Variants in ZFYVE9 observed in about 807,000 individuals in gnomAD.
ZFYVE9 encodes the protein zinc finger FYVE domain-containing protein 9.
Under a neutral mutation model 126.7 loss-of-function variants are expected in ZFYVE9, and 43 were observed. The observed-to-expected ratio is 0.34, with a 90% CI of 0.27 to 0.44. The LOEUF (loss-of-function observed/expected upper bound fraction) is 0.44, where lower values mean the gene tolerates loss of function less well. ZFYVE9 is among the 20% of genes least tolerant of loss of function. The pLI is 1.00. For synonymous variants in ZFYVE9, 521 were observed against 597.4 expected (o/e 0.87, Z 1.87); for missense variants, 1,476 against 1,697.0 (o/e 0.87, Z 2.29).
At chr1:52,177,444 C>A (rs564476874) in intron 1 of ZFYVE9, among the ~76,000 whole-genome samples, 19 of 152,208 alleles carry the variant, frequency 1.2e-4, no homozygotes, top group Non-Finnish European at 2.2e-4. Context: ...CTGCACCTGG[C>A]CCAAGTCTGA....
chr1:52,303,789 A>C (rs1646056871), intron 12 of ZFYVE9, 32 bp from the exon 13 acceptor site: 1 of 1,416,104 alleles, frequency 7.1e-7, no homozygotes, highest in African/African-American at 1.4e-5. Context: ...TTGATGAATT[A>C]ATTTATTCTG....
At chr1:52,210,937 G>A (rs1047622980) in intron 1 of ZFYVE9, among the ~76,000 whole-genome samples, 1 of 152,204 alleles carries the variant, frequency 6.6e-6, no homozygotes, top group African/African-American at 2.4e-5. Context: ...TTACAGGTGT[G>A]AGCCACCGCC....
At chr1:52,210,904 C>T (rs1318059082) in intron 1 of ZFYVE9, among the ~76,000 whole-genome samples, 1 of 152,200 alleles carries the variant, frequency 6.6e-6, no homozygotes, top group African/African-American at 2.4e-5. Flanking sequence ...ATCTGCCCAC[C>T]TTGGCCTCCC....
intron 1 of ZFYVE9, among the ~76,000 whole-genome samples, chr1:52,148,947 A>ATTTTTTTTTTT (rs56300233): frequency 5.8e-5 from 2 of 34,252 alleles, no homozygotes; most frequent in Non-Finnish European, 1.2e-4. Context: ...CCTTAACATG[A>ATTTTTTTTTTT]TTTTTTTTTT....
At chr1:52,162,802 A>T (rs1425509321) in intron 1 of ZFYVE9, 4 of 341,088 alleles carry the variant, frequency 1.2e-5, no homozygotes, top group Non-Finnish European at 2.3e-5. Flanking sequence ...TGGTATCTGG[A>T]TCAAGAGTGG....
rs749289415 is a variant in ZFYVE9 at position 52,263,903 on chromosome 1, T to C, written c.2278+31T>C. 8.4e-6 allele frequency: 12 copies of C among 1,436,676 alleles called. No homozygotes were observed. In the South Asian group the frequency reaches 1.4e-4, roughly 17 times the overall value. The allele number at this position is 1,436,676 out of a possible 1,614,324, so 89.0% of individuals were successfully genotyped here. The stretch of plus-strand genomic sequence containing the variant: ...TATTAAAACAGGTTGATTTCATAGT[T>C]ATTGAGACAAAACAAGGGAATTACG... On this transcript the variant is annotated intron_variant, in intron 5 of 18. Transcript: ENST00000287727.
In ZFYVE9 at chr1:52,307,844, C is replaced by T. The variant is rs576495542; in HGVS notation, c.3438+3919C>T. On this transcript the variant is annotated intron_variant, in intron 13 of 18. Coordinates refer to ENST00000287727, the MANE Select transcript of ZFYVE9 (RefSeq NM_004799.4). ...TCGGCTCACTGCAAGCTCCGCCTCC[C>T]GGGTTCACGCCATTCTCTTGCCTCA... Among the ~76,000 whole-genome samples, 5 of 151,784 alleles carry T rather than the reference C, an allele frequency of 3.3e-5. No individual in the cohort carries two copies. The East Asian group carries it at 9.8e-4, about 30-fold the overall frequency.
At chr1:52,323,399 T>G (rs1646259781) in intron 13 of ZFYVE9, among the ~76,000 whole-genome samples, 1 of 152,164 alleles carries the variant, frequency 6.6e-6, no homozygotes, top group African/African-American at 2.4e-5. Context: ...TTTACTTATT[T>G]GTTTATTGTT....
chr1:52,143,469 T>A (rs1390244524), intron 1 of ZFYVE9, among the ~76,000 whole-genome samples: 1 of 152,146 alleles, frequency 6.6e-6, no homozygotes, highest in Non-Finnish European at 1.5e-5. Flanking sequence ...ACTTTTATAA[T>A]CATGAAAAAA....
At chr1:52,214,240 A>G (rs1645052528) in intron 1 of ZFYVE9, among the ~76,000 whole-genome samples, 1 of 152,088 alleles carries the variant, frequency 6.6e-6, no homozygotes, top group Non-Finnish European at 1.5e-5. Flanking sequence ...CAGCCTGGGT[A>G]ACACAGTGAA....
intron 1 of ZFYVE9, among the ~76,000 whole-genome samples, chr1:52,156,091 T>C (rs1016674620): frequency 3.3e-5 from 5 of 152,242 alleles, no homozygotes; most frequent in African/African-American, 7.2e-5. Context: ...CAGACTATTA[T>C]GATAGAGTGG....
chr1:52,303,396 AGT>A (rs750374433), intron 12 of ZFYVE9, among the ~76,000 whole-genome samples: 2 of 151,994 alleles, frequency 1.3e-5, no homozygotes, highest in African/African-American at 4.8e-5. Flanking sequence ...ATGATGTGTT[AGT>A]GTGTGTGTGT....
intron 1 of ZFYVE9, among the ~76,000 whole-genome samples, chr1:52,143,957 T>C (rs1277783450): frequency 6.6e-6 from 1 of 152,194 alleles, no homozygotes; most frequent in Non-Finnish European, 1.5e-5. Flanking sequence ...GGTAGGTTAA[T>C]CTCGATTTTT....
At chr1:52,306,936 T>G (rs1646090653) in intron 13 of ZFYVE9, among the ~76,000 whole-genome samples, 2 of 152,176 alleles carry the variant, frequency 1.3e-5, no homozygotes, top group Admixed American at 1.3e-4. Flanking sequence ...GGCTCACCCT[T>G]GACAGACATG....
chr1:52,337,504 A>C (rs576513252), intron 15 of ZFYVE9, among the ~76,000 whole-genome samples: 4 of 152,364 alleles, frequency 2.6e-5, no homozygotes, highest in South Asian at 2.1e-4. Flanking sequence ...GTCCAGAAGA[A>C]GAATGTGACT....
At chr1:52,282,359 A>G (rs1284010900) in intron 10 of ZFYVE9, among the ~76,000 whole-genome samples, 3 of 152,234 alleles carry the variant, frequency 2.0e-5, no homozygotes, top group African/African-American at 4.8e-5. Context: ...ATTTGACATT[A>G]TAGTTATTTA....
intron 1 of ZFYVE9, among the ~76,000 whole-genome samples, chr1:52,168,395 T>G (rs1427444124): frequency 6.6e-6 from 1 of 152,000 alleles, no homozygotes; most frequent in Non-Finnish European, 1.5e-5. Flanking sequence ...TTGTGTATTT[T>G]CAATAGAGAC....
chr1:52,254,800 C>T (rs1645487922), intron 4 of ZFYVE9, among the ~76,000 whole-genome samples: 1 of 151,826 alleles, frequency 6.6e-6, no homozygotes, highest in African/African-American at 2.4e-5. Context: ...GACCTCATCT[C>T]TACTAAAAAT....
chr1:52,148,195 C>T (rs1178453306), intron 1 of ZFYVE9, among the ~76,000 whole-genome samples: 2 of 151,994 alleles, frequency 1.3e-5, no homozygotes, highest in African/African-American at 4.8e-5. Context: ...AAGTTGTAGG[C>T]CAGGCGCTGT....
Sources: allele counts gnomAD v4.1 joint callset (sites outside exome capture counted in the v4.1 genomes callset), GRCh38; gene constraint gnomAD v4.1.1; transcripts MANE v1.5; gene names NCBI Gene and HGNC (gene_info 2026-07-23, HGNC 2026-07-21).